The following PTPRN2 variants were observed in gnomAD, a reference collection of about 807,000 sequenced individuals.
PTPRN2 encodes receptor-type tyrosine-protein phosphatase N2.
PTPRN2 carries 74 observed loss-of-function variants against 118.8 expected under a neutral mutation model. That is an observed-to-expected ratio of 0.62 (90% CI 0.52 to 0.76). PTPRN2 has a LOEUF of 0.76. Ranked by LOEUF, PTPRN2 falls within the 30% of genes least tolerant of loss-of-function variation. PTPRN2 has a pLI of 0.00. For synonymous variants in PTPRN2, 641 were observed against 608.0 expected (o/e 1.05, Z -0.80); for missense variants, 1,481 against 1,394.4 (o/e 1.06, Z -0.99).
intron 1 of PTPRN2, among the ~76,000 whole-genome samples, chr7:158,497,580 A>C (rs1212582154): frequency 6.6e-6 from 1 of 152,162 alleles, no homozygotes; most frequent in Admixed American, 6.5e-5. Context: ...AGATTCTGGA[A>C]ACTTCAGCCT....
At chr7:158,283,282 TGTGAGCCTCAGGCAGCTCCCCAGAC>T in intron 3 of PTPRN2, among the ~76,000 whole-genome samples, 1 of 152,206 alleles carries the variant, frequency 6.6e-6, no homozygotes, top group African/African-American at 2.4e-5. Flanking sequence ...GAACCGAGGC[TGTGAGCCTCAGGCAGCTCCCCAGAC>T]CCCCAAGAGG....
intron 13 of PTPRN2, among the ~76,000 whole-genome samples, chr7:157,679,221 T>A (rs1032959925): frequency 3.3e-5 from 5 of 152,252 alleles, no homozygotes; most frequent in Non-Finnish European, 7.3e-5. Context: ...AAATATATCA[T>A]GTTTTATCTA....
intron 21 of PTPRN2, among the ~76,000 whole-genome samples, chr7:157,556,951 C>T (rs1013417012): frequency 5.9e-5 from 9 of 151,378 alleles, no homozygotes; most frequent in East Asian, 2.0e-4. Context: ...GCACACCCTA[C>T]GCTCATGTCA....
intron 10 of PTPRN2, among the ~76,000 whole-genome samples, chr7:158,094,611 T>A (rs1170441376): frequency 2.0e-5 from 3 of 152,182 alleles, no homozygotes; most frequent in Non-Finnish European, 2.9e-5. Flanking sequence ...CCGGCCCCCA[T>A]CTGTGCTTTC....
Position 158,151,319 on chromosome 7 carries a change from C to CT in PTPRN2, c.911-12805dup, listed in dbSNP as rs150197534. ...GCCTCTCCCTGCCCACACCGCCCAC[C>CT]TTCTATTCCTGCCTCTCCCTGCCCA... On this transcript the variant is annotated intron_variant, in intron 6 of 22. Coordinates refer to ENST00000389418, the MANE Select transcript of PTPRN2 (RefSeq NM_002847.5). 3.9e-3 allele frequency among the ~76,000 whole-genome samples: 17 copies of CT among 4,338 alleles called. 6 individuals carry two copies. The highest frequency in any genetic ancestry group is 0.026 in the African/African-American group (10 of 392). 2.8% of individuals were successfully genotyped at this position (4,338 alleles called of 152,430 possible).
At chr7:157,624,689 A>G (rs1803466390) in intron 14 of PTPRN2, among the ~76,000 whole-genome samples, 2 of 152,216 alleles carry the variant, frequency 1.3e-5, no homozygotes, top group Non-Finnish European at 2.9e-5. Flanking sequence ...TCAAACCATC[A>G]TAAGTTGGGG....
chr7:157,738,165 T>C (rs1302297704), intron 12 of PTPRN2, among the ~76,000 whole-genome samples: 2 of 152,240 alleles, frequency 1.3e-5, no homozygotes, highest in African/African-American at 4.8e-5. Flanking sequence ...CACAGGCAGC[T>C]GAGAATCAAC....
intron 12 of PTPRN2, among the ~76,000 whole-genome samples, chr7:157,799,835 CCA>C (rs1230978031): frequency 4.6e-5 from 6 of 129,390 alleles, no homozygotes; most frequent in African/African-American, 2.0e-4. Flanking sequence ...CCGGCCCCCT[CCA>C]TCCCTCAGAG....
chr7:158,570,703 T>G lies in PTPRN2; in HGVS notation c.112+16855A>C, dbSNP rs536449652. On this transcript the variant is annotated intron_variant, in intron 1 of 22. Transcript: ENST00000389418. This position sits in a 1 kb window ranked among gnomAD's most constrained non-coding sequence, Gnocchi z 4.5. Reference sequence around the variant, plus strand: ...GGCTCAGCACGCGGCTGGGTACGGTTTGCAACGCCGAGAGCCCGCGGAGAA... The same window carrying G: ...GGCTCAGCACGCGGCTGGGTACGGTGTGCAACGCCGAGAGCCCGCGGAGAA... Among the ~76,000 whole-genome samples the G allele has an allele frequency of 6.6e-6, 1 of 152,298 alleles. No homozygotes were observed. Among genetic ancestry groups the G allele is most frequent in the South Asian group, 2.1e-4 (1 of 4,818 alleles).
At chr7:158,172,159 G>A (rs1210160182) in intron 5 of PTPRN2, among the ~76,000 whole-genome samples, 1 of 152,172 alleles carries the variant, frequency 6.6e-6, no homozygotes, top group Non-Finnish European at 1.5e-5. Context: ...CAGGAAAGAA[G>A]GCTCACTGAA....
chr7:157,987,874 A>G lies in PTPRN2; in HGVS notation c.1724-89137T>C, dbSNP rs1803929050. ...TGACACCTCCATCACTGATGCCCCC[A>G]GCTCTCCCCACACCTGCCATTCCCC... is the stretch of plus-strand genomic sequence containing the variant. On this transcript the variant is annotated intron_variant, in intron 11 of 22. Transcript: ENST00000389418. The surrounding 1 kb of genome is among the most constrained non-coding windows in gnomAD (Gnocchi z 4.3). Among the ~76,000 whole-genome samples, 1 of 151,912 alleles carries G rather than the reference A, an allele frequency of 6.6e-6. No homozygotes were observed. The highest frequency in any genetic ancestry group is 1.5e-5 in the Non-Finnish European group (1 of 67,988).
In PTPRN2 at chr7:157,549,002, T is replaced by C; in HGVS notation, c.2920A>G (p.Ile974Val). 2 of 1,614,220 alleles carry C rather than the reference T, an allele frequency of 1.2e-6. No homozygotes were observed. The highest frequency in any genetic ancestry group is 1.7e-6 in the Non-Finnish European group (2 of 1,180,030). Reference sequence around the variant, plus strand: ...CTCAAGTGCTCCAGGGTCGCTGCGATATCAATCTCTTTAGCACCTGCAACA... The same window carrying C: ...CTCAAGTGCTCCAGGGTCGCTGCGACATCAATCTCTTTAGCACCTGCAACA... ...KMAKGAKEID[I>V]AATLEHLRDQ... is the part of the protein sequence containing the mutation. Residue 974 changes from isoleucine to valine, a missense_variant, in exon 22 of 23, where the codon ATC becomes GTC. Ile to Val is a conservative substitution (Grantham distance 29, BLOSUM62 3). Coordinates refer to ENST00000389418, the MANE Select transcript of PTPRN2 (RefSeq NM_002847.5).
At chr7:158,323,944 C>T (rs563622065) in intron 2 of PTPRN2, among the ~76,000 whole-genome samples, 1 of 150,498 alleles carries the variant, frequency 6.6e-6, no homozygotes, top group South Asian at 2.1e-4. Context: ...CTCACACGCA[C>T]CCACGTGAAC....
chr7:158,084,892 ATCC>A (rs1260922743), intron 10 of PTPRN2, among the ~76,000 whole-genome samples: 1 of 137,274 alleles, frequency 7.3e-6, no homozygotes, highest in Non-Finnish European at 1.6e-5. Flanking sequence ...GCCCATCCAC[ATCC>A]TCGATGCCCA....
intron 3 of PTPRN2, among the ~76,000 whole-genome samples, chr7:158,276,174 C>A (rs1370204506): frequency 2.0e-5 from 3 of 151,824 alleles, no homozygotes; most frequent in African/African-American, 7.3e-5. Context: ...CCTGGAAAGC[C>A]TCTCTGCCCT....
intron 6 of PTPRN2, among the ~76,000 whole-genome samples, chr7:158,151,129 G>C (rs6952984): frequency 1.8e-4 from 5 of 27,406 alleles, no homozygotes; most frequent in African/African-American, 5.3e-4. Context: ...TGCCCACACC[G>C]CCCGCCTTTC....
At chr7:158,578,734 C>A (rs2129451976) in intron 1 of PTPRN2, among the ~76,000 whole-genome samples, 1 of 151,868 alleles carries the variant, frequency 6.6e-6, no homozygotes, top group Admixed American at 6.6e-5. Flanking sequence ...TCTATTGTTC[C>A]CTTAAGTCCT....
intron 2 of PTPRN2, among the ~76,000 whole-genome samples, chr7:158,323,007 C>T (rs930053896): frequency 6.6e-6 from 1 of 152,330 alleles, no homozygotes; most frequent in Non-Finnish European, 1.5e-5. Context: ...ATCCCTCTGC[C>T]GGCAGCAGCA....
intron 11 of PTPRN2, among the ~76,000 whole-genome samples, chr7:157,936,722 C>T (rs563734955): frequency 2.0e-5 from 3 of 150,996 alleles, no homozygotes; most frequent in South Asian, 2.1e-4. Flanking sequence ...CCCGTGTCTC[C>T]TCCACTCGGA....
Sources: gnomAD v4.1 joint callset for allele counts (sites outside exome capture counted in the v4.1 genomes callset) on GRCh38, gnomAD v4.1.1 for gene constraint, Gnocchi (gnomAD v3.1) non-coding constraint, MANE v1.5 for transcripts, NCBI Gene and HGNC (gene_info 2026-07-23, HGNC 2026-07-21) for gene names.